DDHD1: variants seen among roughly 807,000 people sequenced by gnomAD.
The protein encoded by DDHD1 is DDHD domain containing 1.
A neutral mutation model predicts 96.4 loss-of-function variants in DDHD1; 49 were observed. The observed-to-expected ratio is 0.51, with a 90% CI of 0.40 to 0.64. DDHD1 has a LOEUF of 0.64. Among genes scored for constraint, DDHD1 ranks in the 30% least tolerant of loss-of-function variants. The pLI, the probability that DDHD1 is intolerant of heterozygous loss-of-function variation, is 0.00. For synonymous variants in DDHD1, 442 were observed against 446.5 expected (o/e 0.99, Z 0.13); for missense variants, 1,106 against 1,161.2 (o/e 0.95, Z 0.69).
chr14:53,121,469 G>C (rs1236675309), intron 1 of DDHD1, among the ~76,000 whole-genome samples: 6 of 152,282 alleles, frequency 3.9e-5, no homozygotes, highest in African/African-American at 1.4e-4. Flanking sequence ...CCACTATAAA[G>C]ACACATGCAC....
intron 1 of DDHD1, among the ~76,000 whole-genome samples, chr14:53,107,012 C>T (rs563546508): frequency 6.6e-6 from 1 of 152,192 alleles, no homozygotes; most frequent in South Asian, 2.1e-4. Context: ...TTATCAATGG[C>T]TCTTATTAGA....
intron 2 of DDHD1, among the ~76,000 whole-genome samples, chr14:53,094,752 G>C (rs370297646): frequency 6.6e-6 from 1 of 151,866 alleles, no homozygotes; most frequent in East Asian, 1.9e-4. Context: ...GCTGAGGCAG[G>C]AGGATCGCTT....
intron 1 of DDHD1, 56 bp from the exon 2 acceptor site, chr14:53,103,912 G>A (rs1427094830): frequency 6.8e-7 from 1 of 1,470,706 alleles, no homozygotes; most frequent in Non-Finnish European, 9.1e-7. Context: ...TTCCCCAAAA[G>A]AGACACAGTA....
chr14:53,082,866 C>G (rs1191254346), intron 4 of DDHD1, among the ~76,000 whole-genome samples: 1 of 151,494 alleles, frequency 6.6e-6, no homozygotes, highest in Non-Finnish European at 1.5e-5. Flanking sequence ...AACTCTTGGG[C>G]TCAAGCAATC....
intron 1 of DDHD1, among the ~76,000 whole-genome samples, chr14:53,144,251 G>A (rs544073551): frequency 1.3e-5 from 2 of 152,270 alleles, no homozygotes; most frequent in East Asian, 1.9e-4. Flanking sequence ...CGGAATCATG[G>A]GTAACTTGTG....
intron 4 of DDHD1, among the ~76,000 whole-genome samples, chr14:53,081,416 A>C (rs778511493): frequency 6.6e-6 from 1 of 152,240 alleles, no homozygotes; most frequent in Non-Finnish European, 1.5e-5. Context: ...CATAGTAATT[A>C]GGAAGTGGTA....
At chr14:53,075,924 G>A (rs1330031302) in intron 4 of DDHD1, among the ~76,000 whole-genome samples, 2 of 151,938 alleles carry the variant, frequency 1.3e-5, no homozygotes, top group Non-Finnish European at 2.9e-5. Context: ...CCACTGTTGA[G>A]ACCTACTGCT....
At chr14:53,048,033 G>A (rs897163228) in intron 12 of DDHD1, among the ~76,000 whole-genome samples, 3 of 152,118 alleles carry the variant, frequency 2.0e-5, no homozygotes, top group African/African-American at 7.2e-5. Context: ...GTTGGGTTTT[G>A]CTTTATACTG....
intron 2 of DDHD1, among the ~76,000 whole-genome samples, chr14:53,096,569 C>G (rs891245932): frequency 6.6e-6 from 1 of 151,954 alleles, no homozygotes; most frequent in African/African-American, 2.4e-5. Context: ...GTTATTTACT[C>G]TCACCAAATT....
rs993894093 is a variant in DDHD1 at position 53,043,125 on chromosome 14, G to A, written c.*3643C>T. ...GGTACTGACAATTTCTTTTCCTTTT[G>A]TCTACTGTCTAGGTGATGCAAAGCT... On this transcript the variant is annotated 3_prime_UTR_variant, in exon 13 of 13. Coordinates refer to ENST00000673822, the MANE Select transcript of DDHD1 (RefSeq NM_001160148.2). 1 of 152,122 alleles carries A rather than the reference G, an allele frequency of 6.6e-6. No individual in the cohort carries two copies. The highest frequency in any genetic ancestry group is 1.5e-5 in the Non-Finnish European group (1 of 68,034). The allele number at this position is 152,122 out of a possible 1,614,324, so 9.4% of individuals were successfully genotyped here.
Position 53,152,659 on chromosome 14 carries a change from C to A in DDHD1, c.440G>T (p.Arg147Leu). Residue 147 changes from arginine to leucine, a missense_variant, in exon 1 of 13, where the codon CGG becomes CTG. Coordinates refer to ENST00000673822, the MANE Select transcript of DDHD1 (RefSeq NM_001160148.2). Reference sequence around the variant, plus strand: ...GTGCCGGGCCGCCGGGCCGCCAAGCCGGGTACGTTTCCTTTCCCCGGGGGA... The same window carrying A: ...GTGCCGGGCCGCCGGGCCGCCAAGCAGGGTACGTTTCCTTTCCCCGGGGGA... ...GGSPGERKRT[R>L]LGGPAARHRY... 6.2e-7 allele frequency: 1 copy of A among 1,613,064 alleles called. No homozygotes were observed. The highest frequency in any genetic ancestry group is 8.5e-7 in the Non-Finnish European group (1 of 1,179,846).
intron 9 of DDHD1, among the ~76,000 whole-genome samples, chr14:53,056,279 T>C (rs1237047656): frequency 2.0e-5 from 3 of 152,202 alleles, no homozygotes. Flanking sequence ...TTAGGAGCTC[T>C]ATTTAAGCTC....
chr14:53,056,869 A>C (rs1883098453), intron 9 of DDHD1, among the ~76,000 whole-genome samples: 3 of 152,342 alleles, frequency 2.0e-5, no homozygotes, highest in South Asian at 4.1e-4. Context: ...AGTTATACAA[A>C]GGACAGGGCT....
Position 53,112,961 on chromosome 14 carries a change from CTTTT to C in DDHD1, c.839-9109_839-9106del, listed in dbSNP as rs112362897. 1.4e-3 allele frequency among the ~76,000 whole-genome samples: 216 copies of C among 151,266 alleles called. 1 individual carries two copies. Among genetic ancestry groups the C allele is most frequent in the Non-Finnish European group, 4.1e-4 (28 of 67,758 alleles). On this transcript the variant is annotated intron_variant, in intron 1 of 12. Coordinates refer to ENST00000673822, the MANE Select transcript of DDHD1 (RefSeq NM_001160148.2). ...TGTAATAATTTAAACGTGACTTTCACTTTTTTTTTGTTTTTTGAGACACAGTCTC... is the reference window on the plus strand; with the variant it reads ...TGTAATAATTTAAACGTGACTTTCACTTTTTGTTTTTTGAGACACAGTCTC...
At chr14:53,076,274 T>G (rs1244431776) in intron 4 of DDHD1, among the ~76,000 whole-genome samples, 1 of 152,124 alleles carries the variant, frequency 6.6e-6, no homozygotes, top group Non-Finnish European at 1.5e-5. Flanking sequence ...TCCAGAAGTT[T>G]GGAAGAAATG....
At position 53,103,386 on chromosome 14, in the gene DDHD1, A is replaced by G. The variant is rs17126132; in HGVS notation, c.1012+297T>C. 3.1e-5 allele frequency: 11 copies of G among 356,792 alleles called. No homozygotes were observed. In the Admixed American group the frequency reaches 4.9e-4, roughly 16 times the overall value. 22.1% of individuals were successfully genotyped at this position (356,792 alleles called of 1,614,324 possible). On this transcript the variant is annotated intron_variant, in intron 2 of 12. Coordinates refer to ENST00000673822, the MANE Select transcript of DDHD1 (RefSeq NM_001160148.2). ...TTTGGGTTAAGTTCAATTTCCTTTG[A>G]TAACTAAAAAATTACTAAAAAAGAT...
chr14:53,041,256 T>C lies in DDHD1; in HGVS notation c.*5512A>G, dbSNP rs1881622417. The C allele has an allele frequency of 6.6e-6, 1 of 152,106 alleles. No individual in the cohort carries two copies. Among genetic ancestry groups the C allele is most frequent in the South Asian group, 2.1e-4 (1 of 4,822 alleles). The allele number at this position is 152,106 out of a possible 1,614,324, so 9.4% of individuals were successfully genotyped here. A position where few individuals can be genotyped will look rare whatever the true frequency, so the allele number is the denominator to read the frequency against. On this transcript the variant is annotated 3_prime_UTR_variant, in exon 13 of 13. Coordinates refer to ENST00000673822, the MANE Select transcript of DDHD1 (RefSeq NM_001160148.2). ...TGGGGAGGAAGCAAGTTGTACCATG[T>C]TACATATAAATGAAAAACCATAAGG...
intron 1 of DDHD1, among the ~76,000 whole-genome samples, chr14:53,134,015 C>T (rs1457597228): frequency 1.3e-5 from 2 of 152,204 alleles, no homozygotes; most frequent in Non-Finnish European, 2.9e-5. Flanking sequence ...GTACTCTCCC[C>T]TACTTCCCTT....
intron 4 of DDHD1, 141 bp downstream of exon 4, chr14:53,091,644 G>A: frequency 1.2e-6 from 1 of 817,342 alleles, no homozygotes; most frequent in Non-Finnish European, 1.8e-6. Flanking sequence ...CCAGATACTT[G>A]ATCTATGACT....
Sources: allele counts gnomAD v4.1 joint callset (sites outside exome capture counted in the v4.1 genomes callset), GRCh38; gene constraint gnomAD v4.1.1; transcripts MANE v1.5; gene names NCBI Gene and HGNC (gene_info 2026-07-23, HGNC 2026-07-21).